The following TCEA3 variants were observed in gnomAD, a reference collection of about 807,000 sequenced individuals.
TCEA3 encodes the protein transcription elongation factor A protein 3.
TCEA3 carries 36 observed loss-of-function variants against 44.0 expected under a neutral mutation model. The observed-to-expected ratio is 0.82, with a 90% CI of 0.63 to 1.08. TCEA3 has a LOEUF of 1.08. Among genes scored for constraint, TCEA3 ranks in the 50% least tolerant of loss-of-function variants. The pLI, the probability that TCEA3 is intolerant of heterozygous loss-of-function variation, is 0.00. For synonymous variants in TCEA3, 162 were observed against 159.7 expected (o/e 1.01, Z -0.11); for missense variants, 392 against 441.2 (o/e 0.89, Z 1.00).
At chr1:23,412,381 C>A (rs1257623620) in intron 4 of TCEA3, among the ~76,000 whole-genome samples, 3 of 138,502 alleles carry the variant, frequency 2.2e-5, no homozygotes, top group Admixed American at 1.5e-4. Flanking sequence ...GCCTGGGCAA[C>A]ATGGTGAGAC....
intron 5 of TCEA3, among the ~76,000 whole-genome samples, chr1:23,398,784 G>GGGTC (rs1449870078): frequency 2.0e-5 from 3 of 151,772 alleles, no homozygotes; most frequent in Admixed American, 2.0e-4. Context: ...TTTTGAGACA[G>GGGTC]GGTCTCTCTC....
intron 5 of TCEA3, among the ~76,000 whole-genome samples, chr1:23,405,355 G>A (rs1338841217): frequency 1.3e-5 from 2 of 152,160 alleles, no homozygotes; most frequent in African/African-American, 4.8e-5. Flanking sequence ...CCAGCACTTT[G>A]GGGGGCCGAA....
At chr1:23,403,099 C>T (rs1639446789) in intron 5 of TCEA3, among the ~76,000 whole-genome samples, 1 of 152,166 alleles carries the variant, frequency 6.6e-6, no homozygotes, top group Admixed American at 6.5e-5. Context: ...GATGGTGTCT[C>T]GCTGACCTGT....
chr1:23,412,802 A>G (rs1327838494), intron 4 of TCEA3, among the ~76,000 whole-genome samples: 1 of 152,254 alleles, frequency 6.6e-6, no homozygotes, highest in Non-Finnish European at 1.5e-5. Flanking sequence ...GAAAAATAAA[A>G]GCTGCTTAAT....
At chr1:23,420,426 T>C (rs1463268907) in intron 1 of TCEA3, among the ~76,000 whole-genome samples, 1 of 152,168 alleles carries the variant, frequency 6.6e-6, no homozygotes, top group African/African-American at 2.4e-5. Context: ...CATTGTTTCG[T>C]AGAGATAGGG....
Position 23,384,060 on chromosome 1 carries a change from C to T in TCEA3, c.1038+286G>A, listed in dbSNP as rs760665023. Reference sequence around the variant, plus strand: ...CTCTCCTCTGTGGATCTCAGGAAGCCGATTCCATCTGTGCTCAAATGACAG... The same window carrying T: ...CTCTCCTCTGTGGATCTCAGGAAGCTGATTCCATCTGTGCTCAAATGACAG... On this transcript the variant is annotated intron_variant, in intron 10 of 10. Transcript: ENST00000450454. 42 of 1,258,680 alleles carry T rather than the reference C, an allele frequency of 3.3e-5. 1 individual carries two copies. Among genetic ancestry groups the T allele is most frequent in the Admixed American group, 7.9e-5 (2 of 25,462 alleles). The allele number at this position is 1,258,680 out of a possible 1,614,324, so 78.0% of individuals were successfully genotyped here.
At chr1:23,397,452 C>G (rs1047437661) in intron 7 of TCEA3, 93 bp downstream of exon 7, 1 of 1,195,678 alleles carries the variant, frequency 8.4e-7, no homozygotes, top group African/African-American at 1.5e-5. Context: ...GGAGCCCTTC[C>G]TCTCCTTCCT....
At chr1:23,401,421 C>G (rs148351935) in intron 5 of TCEA3, among the ~76,000 whole-genome samples, 7 of 152,108 alleles carry the variant, frequency 4.6e-5, no homozygotes, top group Non-Finnish European at 8.8e-5. Flanking sequence ...CCCGACCCTG[C>G]CTGACAACTG....
chr1:23,410,381 CTG>C lies in TCEA3; in HGVS notation c.381-1657_381-1656del, dbSNP rs570153532. Among the ~76,000 whole-genome samples the C allele has an allele frequency of 1.6e-4, 25 of 152,186 alleles. 1 individual carries two copies. In the East Asian group the frequency reaches 4.9e-3, roughly 30 times the overall value. ...AATACTCCGCAGTTATTGCAAATGA[CTG>C]TTATGAAAACTGTTCAGGAACATAA... On this transcript the variant is annotated intron_variant, in intron 4 of 10. Transcript: ENST00000450454.
At position 23,409,689 on chromosome 1, in the gene TCEA3, C is replaced by G. The variant is rs140597635; in HGVS notation, c.381-963G>C. On this transcript the variant is annotated intron_variant, in intron 4 of 10. Coordinates refer to ENST00000450454, the MANE Select transcript of TCEA3 (RefSeq NM_003196.3). ...CAGCCTCCTGGGTAGCTGGGACTTACAGGCGTGTGCCACCATGCCTAGCTA... is the reference window on the plus strand; with the variant it reads ...CAGCCTCCTGGGTAGCTGGGACTTAGAGGCGTGTGCCACCATGCCTAGCTA... Among the ~76,000 whole-genome samples, 28 of 152,080 alleles carry G rather than the reference C, an allele frequency of 1.8e-4. No homozygotes were observed. The East Asian group carries it at 5.3e-3, about 29-fold the overall frequency.
At chr1:23,383,972 A>C (rs1456988504) in intron 10 of TCEA3, 1 of 1,077,098 alleles carries the variant, frequency 9.3e-7, no homozygotes, top group Non-Finnish European at 1.1e-6. Context: ...GCCAGGTTCA[A>C]AGGAAATACC....
chr1:23,398,047 A>C, intron 5 of TCEA3, 92 bp from the exon 6 acceptor site: 1 of 1,450,850 alleles, frequency 6.9e-7, no homozygotes, highest in Non-Finnish European at 9.4e-7. Context: ...ATGATCTCCT[A>C]TAATCCTCAT....
chr1:23,406,835 TG>T (rs1639558174), intron 5 of TCEA3, among the ~76,000 whole-genome samples: 1 of 152,192 alleles, frequency 6.6e-6, no homozygotes, highest in Non-Finnish European at 1.5e-5. Context: ...TTGGCCAGGC[TG>T]GTCTCGAACT....
intron 5 of TCEA3, among the ~76,000 whole-genome samples, chr1:23,408,110 C>T (rs1383740001): frequency 2.0e-5 from 3 of 152,062 alleles, no homozygotes; most frequent in Non-Finnish European, 4.4e-5. Context: ...TACAGGTGCC[C>T]ACCACCATGC....
intron 8 of TCEA3, 123 bp downstream of exon 8, chr1:23,393,756 T>G: frequency 1.3e-4 from 167 of 1,309,686 alleles, no homozygotes; most frequent in Middle Eastern, 2.5e-4. Context: ...GAGGCTGAGA[T>G]GAGGCTGGTT....
intron 10 of TCEA3, chr1:23,383,862 CT>C: frequency 3.0e-6 from 3 of 989,694 alleles, no homozygotes; most frequent in Non-Finnish European, 2.4e-6. Context: ...TTGGGTAAGA[CT>C]TTCAGAGCTT....
Position 23,397,542 on chromosome 1 carries a change from T to C in TCEA3, c.664+3A>G, listed in dbSNP as rs1639252817. The C allele has an allele frequency of 1.2e-6, 2 of 1,613,638 alleles. No homozygotes were observed. The highest frequency in any genetic ancestry group is 1.3e-5 in the African/African-American group (1 of 74,924). On this transcript the variant is annotated splice_donor_region_variant and intron_variant, in intron 7 of 10. Coordinates refer to ENST00000450454, the MANE Select transcript of TCEA3 (RefSeq NM_003196.3). The stretch of plus-strand genomic sequence containing the variant: ...CCACAGCCCCGGCACAGTTCAAGGA[T>C]ATGATCTTCGATTTCTGATGCCATC...
intron 4 of TCEA3, among the ~76,000 whole-genome samples, chr1:23,409,137 A>C (rs1570274291): frequency 6.6e-6 from 1 of 152,310 alleles, no homozygotes; most frequent in African/African-American, 2.4e-5. Flanking sequence ...AATCAGCTTC[A>C]GCCTCCCCGG....
Position 23,424,671 on chromosome 1 carries a change from G to C in TCEA3, c.-38C>G. On this transcript the variant is annotated 5_prime_UTR_variant, in exon 1 of 11. Transcript: ENST00000450454. ...CGCCCGGCGGGGCGAGGGGCACAGGGGCAGCAGTAGGGCCTCGGGGGCAGG... is the reference window on the plus strand; with the variant it reads ...CGCCCGGCGGGGCGAGGGGCACAGGCGCAGCAGTAGGGCCTCGGGGGCAGG... The C allele has an allele frequency of 6.5e-7, 1 of 1,543,136 alleles. No homozygotes were observed.
Sources: gnomAD v4.1 joint callset for allele counts (sites outside exome capture counted in the v4.1 genomes callset) on GRCh38, gnomAD v4.1.1 for gene constraint, MANE v1.5 for transcripts, NCBI Gene and HGNC (gene_info 2026-07-23, HGNC 2026-07-21) for gene names.